The following PCDH9 variants were observed in gnomAD, a reference collection of about 807,000 sequenced individuals.
PCDH9 encodes protocadherin-9.
PCDH9 carries 24 observed loss-of-function variants against 70.6 expected under a neutral mutation model. The observed-to-expected ratio is 0.34, with a 90% CI of 0.25 to 0.48. The LOEUF (loss-of-function observed/expected upper bound fraction) is 0.48. Ranked by LOEUF, PCDH9 falls within the 20% of genes least tolerant of loss-of-function variation. The pLI is 0.99. For missense variants in PCDH9, 1,281 were observed against 1,503.6 expected (o/e 0.85, Z 2.45); for synonymous variants, 562 against 558.5 (o/e 1.01, Z -0.09).
chr13:67,165,618 T>A (rs983444059), intron 2 of PCDH9, among the ~76,000 whole-genome samples: 1 of 152,074 alleles, frequency 6.6e-6, no homozygotes, highest in Non-Finnish European at 1.5e-5. Context: ...TATCTATCTA[T>A]CTACCCCCTC....
At chr13:66,809,488 G>A (rs540305228) in intron 3 of PCDH9, among the ~76,000 whole-genome samples, 127 of 152,126 alleles carry the variant, frequency 8.3e-4, no homozygotes, top group Non-Finnish European at 1.6e-3. Context: ...GTCAAAGTAC[G>A]AAAAAATCAA....
At chr13:67,213,235 A>G (rs1285350005) in intron 2 of PCDH9, 1 of 104,330 alleles carries the variant, frequency 9.6e-6, no homozygotes, top group Non-Finnish European at 2.2e-5. Flanking sequence ...AAAAAAAAAA[A>G]AAAGAAAAAA....
chr13:66,730,011 C>G (rs1436843298), intron 3 of PCDH9, among the ~76,000 whole-genome samples: 1 of 152,182 alleles, frequency 6.6e-6, no homozygotes, highest in East Asian at 1.9e-4. Flanking sequence ...TTCTGAATGA[C>G]TGTGATACAC....
At chr13:66,888,247 C>T (rs1471922950) in intron 3 of PCDH9, among the ~76,000 whole-genome samples, 1 of 152,102 alleles carries the variant, frequency 6.6e-6, no homozygotes, top group African/African-American at 2.4e-5. Context: ...ATGATAGCAG[C>T]TCTTTGAGAG....
intron 2 of PCDH9, chr13:67,220,680 T>G (rs1408195927): frequency 5.9e-5 from 9 of 152,052 alleles, no homozygotes; most frequent in Admixed American, 5.2e-4. Flanking sequence ...ATATCTTGAA[T>G]TAATGGCAAC....
chr13:66,464,985 C>G (rs1246871628), intron 4 of PCDH9, among the ~76,000 whole-genome samples: 1 of 151,838 alleles, frequency 6.6e-6, no homozygotes, highest in Non-Finnish European at 1.5e-5. Context: ...ATATTGAACA[C>G]ATATTTTCTA....
intron 2 of PCDH9, among the ~76,000 whole-genome samples, chr13:67,140,503 T>G (rs1021247172): frequency 6.6e-6 from 1 of 152,170 alleles, no homozygotes; most frequent in African/African-American, 2.4e-5. Flanking sequence ...AAACCAGTCC[T>G]CTTTTTAGAG....
chr13:66,945,517 T>G (rs188972983), intron 2 of PCDH9, among the ~76,000 whole-genome samples: 236 of 152,308 alleles, frequency 1.5e-3, no homozygotes, highest in Middle Eastern at 0.014. Flanking sequence ...CTTTTTCATA[T>G]AGTTTTATTT....
chr13:66,798,818 T>A (rs202026620), intron 3 of PCDH9, among the ~76,000 whole-genome samples: 1 of 9,084 alleles, frequency 1.1e-4, no homozygotes, highest in Non-Finnish European at 0.045. Flanking sequence ...CTGTTCCTCG[T>A]TTTTTTTTTC....
At chr13:67,073,748 T>C (rs2085815374) in intron 2 of PCDH9, among the ~76,000 whole-genome samples, 1 of 152,122 alleles carries the variant, frequency 6.6e-6, no homozygotes, top group African/African-American at 2.4e-5. Context: ...TAAAGAAGTT[T>C]CCATGTTTGG....
chr13:66,810,496 T>G (rs2080485547), intron 3 of PCDH9, among the ~76,000 whole-genome samples: 1 of 152,006 alleles, frequency 6.6e-6, no homozygotes, highest in South Asian at 2.1e-4. Flanking sequence ...CTTATAATAT[T>G]CTTGGGAATA....
At chr13:66,582,846 C>G (rs2076911421) in intron 4 of PCDH9, among the ~76,000 whole-genome samples, 1 of 152,050 alleles carries the variant, frequency 6.6e-6, no homozygotes, top group Non-Finnish European at 1.5e-5. Context: ...CAGACTATGA[C>G]TCTTTGGTCA....
At chr13:67,222,118 A>T (rs2089739137) in intron 2 of PCDH9, 1 of 152,180 alleles carries the variant, frequency 6.6e-6, no homozygotes, top group Admixed American at 6.6e-5. Flanking sequence ...TTAAAACAAT[A>T]TCTGTCAACA....
At chr13:66,409,814 A>C (rs1049734438) in intron 4 of PCDH9, among the ~76,000 whole-genome samples, 1 of 152,214 alleles carries the variant, frequency 6.6e-6, no homozygotes, top group African/African-American at 2.4e-5. Flanking sequence ...CAACAACATC[A>C]GTACCTAATA....
At chr13:66,586,945 C>A (rs2076970520) in intron 4 of PCDH9, among the ~76,000 whole-genome samples, 1 of 151,918 alleles carries the variant, frequency 6.6e-6, no homozygotes, top group African/African-American at 2.4e-5. Flanking sequence ...ACTACTAATT[C>A]CCTGACCATA....
chr13:66,442,664 TTG>T (rs1331375547), intron 4 of PCDH9, among the ~76,000 whole-genome samples: 1 of 25,036 alleles, frequency 4.0e-5, no homozygotes, highest in Non-Finnish European at 3.4e-4. Context: ...CTCCAGTTTG[TTG>T]TTTTTTTTTC....
intron 2 of PCDH9, among the ~76,000 whole-genome samples, chr13:66,923,981 T>C (rs2082678357): frequency 6.6e-6 from 1 of 151,796 alleles, no homozygotes; most frequent in South Asian, 2.1e-4. Context: ...TGCTGCGGCA[T>C]TTATTCCCTG....
chr13:67,114,050 G>A (rs1482947333), intron 2 of PCDH9, among the ~76,000 whole-genome samples: 2 of 151,980 alleles, frequency 1.3e-5, no homozygotes, highest in Non-Finnish European at 2.9e-5. Context: ...ATTATAACTC[G>A]GCAGAAAAAT....
At chr13:66,656,860 T>G (rs2077937833) in intron 3 of PCDH9, among the ~76,000 whole-genome samples, 1 of 152,194 alleles carries the variant, frequency 6.6e-6, no homozygotes, top group African/African-American at 2.4e-5. Context: ...GATTTGGGTA[T>G]TTACCTCGTG....
Sources: allele counts gnomAD v4.1 joint callset (sites outside exome capture counted in the v4.1 genomes callset), GRCh38; gene constraint gnomAD v4.1.1; transcripts MANE v1.5; gene names NCBI Gene and HGNC (gene_info 2026-07-23, HGNC 2026-07-21).